The following SLC25A26 variants were observed in gnomAD, a reference collection of about 807,000 sequenced individuals.
SLC25A26 encodes mitochondrial S-adenosylmethionine carrier protein.
A neutral mutation model predicts 37.8 loss-of-function variants in SLC25A26; 36 were observed. The ratio of observed to expected loss-of-function variants is 0.95; its 90% CI spans 0.73 to 1.26. The LOEUF (loss-of-function observed/expected upper bound fraction) is 1.26, where lower values mean the gene tolerates loss of function less well. SLC25A26 is among the 50% of genes most tolerant of loss of function. SLC25A26 has a pLI of 0.00. For synonymous variants in SLC25A26, 129 were observed against 122.5 expected (o/e 1.05, Z -0.35); for missense variants, 390 against 331.1 (o/e 1.18, Z -1.38).
intron 3 of SLC25A26, among the ~76,000 whole-genome samples, chr3:66,260,949 A>AG (rs1483817022): frequency 6.6e-6 from 1 of 152,234 alleles, no homozygotes; most frequent in African/African-American, 2.4e-5. Context: ...GGACAGGCAA[A>AG]GCCTTATGTG....
chr3:66,205,179 T>G (rs2071161080), intron 1 of SLC25A26, among the ~76,000 whole-genome samples: 1 of 152,246 alleles, frequency 6.6e-6, no homozygotes, highest in Non-Finnish European at 1.5e-5. Flanking sequence ...AGATTGTGCA[T>G]GTACTATATT....
At position 66,290,884 on chromosome 3, in the gene SLC25A26, G is replaced by C. The variant is rs193210413; in HGVS notation, c.453+27505G>C. 9.0e-4 allele frequency among the ~76,000 whole-genome samples: 137 copies of C among 152,268 alleles called. 3 individuals carry two copies. The highest frequency in any genetic ancestry group is 8.8e-3 in the Admixed American group (134 of 15,286). On this transcript the variant is annotated intron_variant, in intron 5 of 9. Coordinates refer to ENST00000354883, the MANE Select transcript of SLC25A26 (RefSeq NM_001379210.1). ...CTATTGTTTGGAATAGTTTCAGAAG[G>C]AATGGTACCAGCTCCTCTTTGTACC...
At chr3:66,284,783 T>G (rs1323270849) in intron 5 of SLC25A26, among the ~76,000 whole-genome samples, 1 of 152,190 alleles carries the variant, frequency 6.6e-6, no homozygotes, top group Non-Finnish European at 1.5e-5. Flanking sequence ...AATATATATT[T>G]ATATCCATCT....
intron 3 of SLC25A26, among the ~76,000 whole-genome samples, chr3:66,247,422 T>C (rs986080962): frequency 6.6e-6 from 1 of 152,080 alleles, no homozygotes; most frequent in Non-Finnish European, 1.5e-5. Context: ...ATCCTCTCAC[T>C]TTAGCCTCCT....
intron 5 of SLC25A26, among the ~76,000 whole-genome samples, chr3:66,282,463 A>G (rs1432239082): frequency 6.6e-6 from 1 of 151,880 alleles, no homozygotes; most frequent in Non-Finnish European, 1.5e-5. Flanking sequence ...GTCTTTGAGA[A>G]CCTCCTTGCT....
In SLC25A26 at chr3:66,330,090, C is replaced by G. The variant is rs571442261; in HGVS notation, c.454-16274C>G. The stretch of plus-strand genomic sequence containing the variant: ...TGCTTTCTGCTCATTTTTCAGTACA[C>G]TCTTGACATCAGGAGCTTCCAGTAA... On this transcript the variant is annotated intron_variant, in intron 5 of 9. Coordinates refer to ENST00000354883, the MANE Select transcript of SLC25A26 (RefSeq NM_001379210.1). Among the ~76,000 whole-genome samples, 3 of 152,298 alleles carry G rather than the reference C, an allele frequency of 2.0e-5. No individual in the cohort carries two copies. The East Asian group carries it at 5.8e-4, about 29-fold the overall frequency.
At chr3:66,281,709 T>G (rs2107450067) in intron 5 of SLC25A26, among the ~76,000 whole-genome samples, 1 of 152,246 alleles carries the variant, frequency 6.6e-6, no homozygotes, top group Non-Finnish European at 1.5e-5. Context: ...GTTCGGTAAT[T>G]ATAGTCTATT....
Position 66,377,914 on chromosome 3 carries a change from G to C in SLC25A26, c.*107G>C, listed in dbSNP as rs959930046. 1.2e-6 allele frequency: 1 copy of C among 832,244 alleles called. No homozygotes were observed. The highest frequency in any genetic ancestry group is 1.7e-5 in the African/African-American group (1 of 59,062). The allele number at this position is 832,244 out of a possible 1,614,324, so 51.6% of individuals were successfully genotyped here. ...CTATAGGCCCCAGTGCTGAAGACCAGTTGTGCTAAGATACCGGCATGGAGA... is the reference window on the plus strand; with the variant it reads ...CTATAGGCCCCAGTGCTGAAGACCACTTGTGCTAAGATACCGGCATGGAGA... On this transcript the variant is annotated 3_prime_UTR_variant, in exon 10 of 10. Transcript: ENST00000354883.
upstream of SLC25A26, among the ~76,000 whole-genome samples, chr3:66,217,052 T>C (rs973333123): frequency 6.6e-6 from 1 of 152,240 alleles, no homozygotes; most frequent in Non-Finnish European, 1.5e-5. Context: ...GGAGAGACTA[T>C]GTATTTCTTC....
chr3:66,210,659 C>T (rs948481704), intron 1 of SLC25A26, among the ~76,000 whole-genome samples: 3 of 152,056 alleles, frequency 2.0e-5, no homozygotes, highest in Non-Finnish European at 4.4e-5. Flanking sequence ...GCTATAGAAG[C>T]AGGCCAACAT....
chr3:66,328,360 C>T (rs373367279), intron 5 of SLC25A26, among the ~76,000 whole-genome samples: 1 of 152,180 alleles, frequency 6.6e-6, no homozygotes, highest in African/African-American at 2.4e-5. Flanking sequence ...GCACTCCTCA[C>T]GTGAATCAGT....
In SLC25A26 at chr3:66,374,620, C is replaced by T. The variant is rs539853824; in HGVS notation, c.708-3070C>T. Among the ~76,000 whole-genome samples the T allele has an allele frequency of 4.6e-5, 7 of 152,358 alleles. No individual in the cohort carries two copies. The South Asian group carries it at 8.3e-4, about 18-fold the overall frequency. ...AAAACTCGGGCCGGGCATGGTGGCTCACACCTGTAATCCCAGGATTTTGGG... is the reference window on the plus strand; with the variant it reads ...AAAACTCGGGCCGGGCATGGTGGCTTACACCTGTAATCCCAGGATTTTGGG... On this transcript the variant is annotated intron_variant, in intron 9 of 9. Transcript: ENST00000354883.
At chr3:66,364,743 ATCT>A (rs939742119) in intron 7 of SLC25A26, among the ~76,000 whole-genome samples, 14 of 152,360 alleles carry the variant, frequency 9.2e-5, no homozygotes, top group African/African-American at 3.4e-4. Context: ...ACAGTAATTC[ATCT>A]TCTTGATTGA....
intron 1 of SLC25A26, among the ~76,000 whole-genome samples, chr3:66,165,884 G>A (rs1172435150): frequency 1.3e-5 from 2 of 151,968 alleles, no homozygotes; most frequent in Non-Finnish European, 1.5e-5. Flanking sequence ...TGGTAATTCA[G>A]GACCAAGGAC....
chr3:66,242,473 G>A (rs938280605), intron 2 of SLC25A26, among the ~76,000 whole-genome samples: 2 of 152,174 alleles, frequency 1.3e-5, no homozygotes, highest in Non-Finnish European at 2.9e-5. Flanking sequence ...TCACCATCAA[G>A]CTGTTTTCCT....
chr3:66,156,980 C>T (rs1218870017), intron 1 of SLC25A26, among the ~76,000 whole-genome samples: 1 of 152,150 alleles, frequency 6.6e-6, no homozygotes, highest in Non-Finnish European at 1.5e-5. Flanking sequence ...CAGCTGTAAT[C>T]CCAGCACTTT....
chr3:66,308,670 A>G (rs565302814), intron 5 of SLC25A26, among the ~76,000 whole-genome samples: 1 of 151,996 alleles, frequency 6.6e-6, no homozygotes, highest in Non-Finnish European at 1.5e-5. Flanking sequence ...ATTCATAACT[A>G]TTCCATAACT....
chr3:66,264,490 A>C (rs1419608181), intron 5 of SLC25A26, among the ~76,000 whole-genome samples: 1 of 152,154 alleles, frequency 6.6e-6, no homozygotes, highest in East Asian at 1.9e-4. Context: ...GTGAGTGAGC[A>C]TTACCACCTG....
chr3:66,227,561 T>C (rs782807322), intron 1 of SLC25A26, among the ~76,000 whole-genome samples: 1 of 152,242 alleles, frequency 6.6e-6, no homozygotes, highest in Non-Finnish European at 1.5e-5. Context: ...TATGCTGTGG[T>C]AACTGAAATT....
Sources: gnomAD v4.1 joint callset for allele counts (sites outside exome capture counted in the v4.1 genomes callset) on GRCh38, gnomAD v4.1.1 for gene constraint, MANE v1.5 for transcripts, NCBI Gene and HGNC (gene_info 2026-07-23, HGNC 2026-07-21) for gene names.